PPP3CA: variants seen among roughly 807,000 people sequenced by gnomAD.
The protein encoded by PPP3CA is CAM-PRP catalytic subunit.
Under a neutral mutation model 66.5 loss-of-function variants are expected in PPP3CA, and 14 were observed. That is an observed-to-expected ratio of 0.21 (90% CI 0.14 to 0.33). The LOEUF (loss-of-function observed/expected upper bound fraction) is 0.33, where lower values mean the gene tolerates loss of function less well. Among genes scored for constraint, PPP3CA ranks in the 10% least tolerant of loss-of-function variants. The pLI is 1.00. For synonymous variants in PPP3CA, 232 were observed against 226.2 expected (o/e 1.03, Z -0.23); for missense variants, 317 against 639.5 (o/e 0.50, Z 5.44).
At chr4:101,277,098 A>G (rs544246146) in intron 1 of PPP3CA, among the ~76,000 whole-genome samples, 1 of 152,126 alleles carries the variant, frequency 6.6e-6, no homozygotes, top group Non-Finnish European at 1.5e-5. Flanking sequence ...GGGATTCACT[A>G]ACCTTTTCAC....
intron 1 of PPP3CA, among the ~76,000 whole-genome samples, chr4:101,313,391 G>C (rs945772909): frequency 6.6e-6 from 1 of 152,128 alleles, no homozygotes; most frequent in Non-Finnish European, 1.5e-5. Context: ...AAAACAAGTA[G>C]AGAGTCATCT....
At chr4:101,266,983 T>C (rs1727188169) in intron 1 of PPP3CA, among the ~76,000 whole-genome samples, 1 of 152,204 alleles carries the variant, frequency 6.6e-6, no homozygotes, top group Non-Finnish European at 1.5e-5. Flanking sequence ...GCTGTCCTTT[T>C]CAGAATACCA....
intron 2 of PPP3CA, among the ~76,000 whole-genome samples, chr4:101,172,256 G>T (rs1392533565): frequency 6.6e-6 from 1 of 152,098 alleles, no homozygotes; most frequent in Admixed American, 6.6e-5. Flanking sequence ...GAACCAGAGA[G>T]ATTGGTCCAA....
At chr4:101,265,965 C>G (rs1727157192) in intron 1 of PPP3CA, among the ~76,000 whole-genome samples, 1 of 152,096 alleles carries the variant, frequency 6.6e-6, no homozygotes, top group Non-Finnish European at 1.5e-5. Flanking sequence ...TGATAGCATA[C>G]AGAGGGATTA....
intron 2 of PPP3CA, among the ~76,000 whole-genome samples, chr4:101,112,415 A>T (rs532852072): frequency 6.6e-6 from 1 of 152,276 alleles, no homozygotes; most frequent in African/African-American, 2.4e-5. Flanking sequence ...TAATTGCTGT[A>T]AACTCTGCAT....
intron 1 of PPP3CA, among the ~76,000 whole-genome samples, chr4:101,272,191 A>G (rs1727357292): frequency 1.3e-5 from 2 of 152,160 alleles, no homozygotes; most frequent in Non-Finnish European, 2.9e-5. Flanking sequence ...ATAGCACTTA[A>G]TACTACATAC....
At chr4:101,252,774 C>T (rs1426397020) in intron 1 of PPP3CA, among the ~76,000 whole-genome samples, 2 of 152,136 alleles carry the variant, frequency 1.3e-5, no homozygotes, top group Non-Finnish European at 2.9e-5. Context: ...TTGGGCCTTG[C>T]CCTCTTGTCC....
intron 1 of PPP3CA, among the ~76,000 whole-genome samples, chr4:101,237,664 T>C (rs1416261954): frequency 6.6e-6 from 1 of 152,050 alleles, no homozygotes; most frequent in Non-Finnish European, 1.5e-5. Context: ...TCTTCATCAC[T>C]AGATGTAAAC....
At chr4:101,031,450 A>G (rs1726956243) in intron 12 of PPP3CA, among the ~76,000 whole-genome samples, 1 of 152,216 alleles carries the variant, frequency 6.6e-6, no homozygotes, top group African/African-American at 2.4e-5. Flanking sequence ...TAACAAATGT[A>G]ACAAAAGTGA....
chr4:101,293,279 C>T (rs929234602), intron 1 of PPP3CA, among the ~76,000 whole-genome samples: 12 of 152,112 alleles, frequency 7.9e-5, no homozygotes, highest in Non-Finnish European at 1.8e-4. Flanking sequence ...TAATATTATC[C>T]CCCCTTTTCT....
At chr4:101,092,825 A>G (rs2110248890) in intron 6 of PPP3CA, among the ~76,000 whole-genome samples, 1 of 152,288 alleles carries the variant, frequency 6.6e-6, no homozygotes, top group South Asian at 2.1e-4. Context: ...CATGGTGTAT[A>G]TGTACCACAT....
At position 101,331,122 on chromosome 4, in the gene PPP3CA, C is replaced by T. The variant is rs1299334302; in HGVS notation, c.58+15617G>A. Among the ~76,000 whole-genome samples the T allele has an allele frequency of 3.3e-5, 5 of 152,248 alleles. No individual in the cohort carries two copies. In the East Asian group the frequency reaches 9.6e-4, roughly 29 times the overall value. ...ATCCCTAATAACAAGTATTTTCTAT[C>T]AATTCACTGACACCATCTAATATAT... On this transcript the variant is annotated intron_variant, in intron 1 of 13. Transcript: ENST00000394854.
chr4:101,125,563 C>G (rs1722219769), intron 2 of PPP3CA, among the ~76,000 whole-genome samples: 1 of 152,036 alleles, frequency 6.6e-6, no homozygotes, highest in South Asian at 2.1e-4. Flanking sequence ...AGGAGGAAGG[C>G]TAAGCCTATT....
intron 1 of PPP3CA, among the ~76,000 whole-genome samples, chr4:101,209,902 A>C (rs1444329494): frequency 1.3e-5 from 2 of 152,180 alleles, no homozygotes; most frequent in African/African-American, 4.8e-5. Context: ...CATAGAACAC[A>C]AAACAAATAC....
intron 1 of PPP3CA, among the ~76,000 whole-genome samples, chr4:101,313,475 C>A (rs1728789362): frequency 6.6e-6 from 1 of 152,176 alleles, no homozygotes; most frequent in Non-Finnish European, 1.5e-5. Flanking sequence ...ATTTGTATAG[C>A]TGACCTCTGC....
At chr4:101,171,550 A>C (rs1723881971) in intron 2 of PPP3CA, among the ~76,000 whole-genome samples, 1 of 152,072 alleles carries the variant, frequency 6.6e-6, no homozygotes, top group Non-Finnish European at 1.5e-5. Flanking sequence ...TTCTAAAACT[A>C]TTATTATCCC....
chr4:101,119,495 T>C (rs914797193), intron 2 of PPP3CA, among the ~76,000 whole-genome samples: 1 of 151,982 alleles, frequency 6.6e-6, no homozygotes, highest in Non-Finnish European at 1.5e-5. Flanking sequence ...ACCAAATGGA[T>C]TTTTTGAAAA....
chr4:101,100,319 T>G (rs1441181726), intron 3 of PPP3CA, among the ~76,000 whole-genome samples: 2 of 152,106 alleles, frequency 1.3e-5, no homozygotes, highest in Non-Finnish European at 2.9e-5. Context: ...CTCATTTTGT[T>G]GTACATTATC....
At chr4:101,206,167 C>T (rs1233659523) in intron 1 of PPP3CA, among the ~76,000 whole-genome samples, 1 of 152,220 alleles carries the variant, frequency 6.6e-6, no homozygotes, top group Non-Finnish European at 1.5e-5. Context: ...GAACCACTTA[C>T]TCATCTGAAT....
Sources: gnomAD v4.1 joint callset for allele counts (sites outside exome capture counted in the v4.1 genomes callset) on GRCh38, gnomAD v4.1.1 for gene constraint, MANE v1.5 for transcripts, NCBI Gene and HGNC (gene_info 2026-07-23, HGNC 2026-07-21) for gene names.